Variants in EPHA5 observed in about 807,000 individuals in gnomAD.
The protein encoded by EPHA5 is ephrin type-A receptor 5.
In EPHA5, 60 loss-of-function variants were observed where a neutral mutation model predicts 105.0. That is an observed-to-expected ratio of 0.57 (90% CI 0.46 to 0.71). The LOEUF is 0.71. Among genes scored for constraint, EPHA5 ranks in the 30% least tolerant of loss-of-function variants. The pLI is 0.00. For missense variants in EPHA5, 1,218 were observed against 1,274.7 expected (o/e 0.96, Z 0.68); for synonymous variants, 513 against 449.1 (o/e 1.14, Z -1.80).
chr4:65,351,516 A>G lies in EPHA5; in HGVS notation c.2318T>C (p.Met773Thr), dbSNP rs768209868. The G allele has an allele frequency of 3.1e-6, 5 of 1,613,798 alleles. No individual in the cohort carries two copies. The highest frequency in any genetic ancestry group is 4.2e-6 in the Non-Finnish European group (5 of 1,179,812). Residue 773 changes from methionine (M) to threonine (T), a missense_variant, in exon 13 of 17, where the codon ATG becomes ACG. Around this residue, in one of 3 missense-constraint regions of EPHA5, gnomAD observed 971 missense variants for 1,013.5 expected, o/e 0.96. Coordinates refer to ENST00000613740, the MANE Select transcript of EPHA5 (RefSeq NM_001281766.3). ...ISAGMKYLSD[M>T]GYVHRDLAAR... Reference sequence around the variant, plus strand: ...AGCAAGATCTCTATGCACATAGCCCATGTCAGAAAGGTACTTCATTCCTGC... The same window carrying G: ...AGCAAGATCTCTATGCACATAGCCCGTGTCAGAAAGGTACTTCATTCCTGC...
At chr4:65,648,216 C>G (rs1165662552) in intron 1 of EPHA5, among the ~76,000 whole-genome samples, 3 of 152,158 alleles carry the variant, frequency 2.0e-5, no homozygotes, top group African/African-American at 7.2e-5. Context: ...TAAAGTTTAG[C>G]TTAGGTTAAT....
chr4:65,417,972 C>T (rs1723554828), intron 6 of EPHA5, among the ~76,000 whole-genome samples: 1 of 151,878 alleles, frequency 6.6e-6, no homozygotes, highest in Non-Finnish European at 1.5e-5. Flanking sequence ...TCCTCAAGGA[C>T]AAAAAAGAAA....
At chr4:65,642,914 C>G (rs770695556) in intron 2 of EPHA5, among the ~76,000 whole-genome samples, 8 of 151,840 alleles carry the variant, frequency 5.3e-5, no homozygotes, top group Non-Finnish European at 1.2e-4. Context: ...TTCCCTGATT[C>G]TGTAAATGAA....
At chr4:65,374,563 G>C (rs562530072) in intron 8 of EPHA5, among the ~76,000 whole-genome samples, 1 of 152,058 alleles carries the variant, frequency 6.6e-6, no homozygotes, top group South Asian at 2.1e-4. Flanking sequence ...CAAGAATCTA[G>C]ATGAACGGTT....
intron 2 of EPHA5, among the ~76,000 whole-genome samples, chr4:65,632,256 T>C (rs1446716272): frequency 3.3e-5 from 5 of 152,080 alleles, no homozygotes; most frequent in Non-Finnish European, 4.4e-5. Context: ...CATTAGTAAA[T>C]TGGATCAAAC....
chr4:65,480,663 T>A, intron 5 of EPHA5, among the ~76,000 whole-genome samples: 1 of 152,144 alleles, frequency 6.6e-6, no homozygotes, highest in East Asian at 1.9e-4. Context: ...ACCTTGTCAT[T>A]CATTGTTCAA....
intron 3 of EPHA5, among the ~76,000 whole-genome samples, chr4:65,586,341 T>C (rs1189974438): frequency 6.6e-6 from 1 of 151,782 alleles, no homozygotes; most frequent in African/African-American, 2.4e-5. Context: ...TTAGACAATC[T>C]TAAGTTCATT....
intron 4 of EPHA5, among the ~76,000 whole-genome samples, chr4:65,492,254 T>C (rs549450228): frequency 6.6e-6 from 1 of 152,152 alleles, no homozygotes; most frequent in East Asian, 1.9e-4. Flanking sequence ...CGGGCTGAAA[T>C]GCACTGGAGT....
intron 3 of EPHA5, among the ~76,000 whole-genome samples, chr4:65,506,487 T>G (rs1733039918): frequency 6.9e-6 from 1 of 145,428 alleles, no homozygotes; most frequent in Non-Finnish European, 1.5e-5. Context: ...GTGTTCCTAT[T>G]TCTCCGCATC....
chr4:65,610,491 C>A (rs927546062), intron 2 of EPHA5, among the ~76,000 whole-genome samples: 2 of 151,744 alleles, frequency 1.3e-5, no homozygotes, highest in Non-Finnish European at 2.9e-5. Flanking sequence ...ATGTAACAAA[C>A]CTGCACATGT....
At chr4:65,665,584 T>C (rs543520711) in intron 1 of EPHA5, among the ~76,000 whole-genome samples, 2 of 152,228 alleles carry the variant, frequency 1.3e-5, no homozygotes, top group East Asian at 3.9e-4. Flanking sequence ...CTATATTTTA[T>C]GTGAATTGGA....
At chr4:65,415,188 A>G (rs1723274924) in intron 6 of EPHA5, among the ~76,000 whole-genome samples, 1 of 152,104 alleles carries the variant, frequency 6.6e-6, no homozygotes, top group African/African-American at 2.4e-5. Flanking sequence ...TATCTCTGTG[A>G]AGTTACCACA....
intron 6 of EPHA5, among the ~76,000 whole-genome samples, chr4:65,418,901 G>A (rs535304670): frequency 2.7e-3 from 96 of 35,558 alleles, no homozygotes; most frequent in Admixed American, 9.0e-3. Context: ...TTTTTGCTTC[G>A]AGACTGAGTT....
chr4:65,527,124 G>A (rs1735311030), intron 3 of EPHA5, among the ~76,000 whole-genome samples: 1 of 151,918 alleles, frequency 6.6e-6, no homozygotes, highest in Non-Finnish European at 1.5e-5. Context: ...GAAGACATTT[G>A]GCAGTATCTG....
At chr4:65,553,516 TTGG>T in intron 3 of EPHA5, among the ~76,000 whole-genome samples, 1 of 152,240 alleles carries the variant, frequency 6.6e-6, no homozygotes, top group Admixed American at 6.5e-5. Context: ...AAAAGAATAC[TTGG>T]TTGTCCTCAA....
chr4:65,609,033 C>A (rs535706008), intron 2 of EPHA5, among the ~76,000 whole-genome samples: 10 of 152,256 alleles, frequency 6.6e-5, no homozygotes, highest in Non-Finnish European at 1.2e-4. Flanking sequence ...TAGCTTCCAT[C>A]CTCCTTGTTC....
intron 5 of EPHA5, among the ~76,000 whole-genome samples, chr4:65,453,008 A>T (rs1371560225): frequency 6.6e-6 from 1 of 152,178 alleles, no homozygotes; most frequent in Admixed American, 6.5e-5. Flanking sequence ...ATCTTTGTCC[A>T]TATAAACAAT....
intron 3 of EPHA5, among the ~76,000 whole-genome samples, chr4:65,546,149 TACTGC>T (rs1260893890): frequency 6.6e-6 from 1 of 152,000 alleles, no homozygotes; most frequent in Non-Finnish European, 1.5e-5. Flanking sequence ...CATTTTAACT[TACTGC>T]ATTTTAAACT....
chr4:65,340,106 G>C (rs908269071), intron 14 of EPHA5, among the ~76,000 whole-genome samples: 1 of 152,112 alleles, frequency 6.6e-6, no homozygotes, highest in South Asian at 2.1e-4. Flanking sequence ...TATGCCAATT[G>C]TAAGCTACTA....
Sources: gnomAD v4.1 joint callset for allele counts (sites outside exome capture counted in the v4.1 genomes callset) on GRCh38, gnomAD v4.1.1 for gene constraint, gnomAD v4.1.1 regional missense constraint, MANE v1.5 for transcripts, NCBI Gene and HGNC (gene_info 2026-07-23, HGNC 2026-07-21) for gene names.